The following KRT31 variants were observed in gnomAD, a reference collection of about 807,000 sequenced individuals.
KRT31 encodes keratin 31.
KRT31 carries 27 observed loss-of-function variants against 40.8 expected under a neutral mutation model. The observed-to-expected ratio is 0.66, with a 90% CI of 0.49 to 0.91. The LOEUF is 0.91. Ranked by LOEUF, KRT31 falls within the 40% of genes least tolerant of loss-of-function variation. The pLI, the probability that KRT31 is intolerant of heterozygous loss-of-function variation, is 0.00. For missense variants in KRT31, 510 were observed against 544.1 expected (o/e 0.94, Z 0.62); for synonymous variants, 231 against 231.9 (o/e 1.00, Z 0.03).
In KRT31 at chr17:41,394,109, G is replaced by A; in HGVS notation, c.1158C>T (p.Leu386=). Reference sequence around the variant, plus strand: ...GGACACAAGAGGTACAGGGATTGGAGAGACAGGGTCCGATGGGCTTGCTGC... The same window carrying A: ...GGACACAAGAGGTACAGGGATTGGAAAGACAGGGTCCGATGGGCTTGCTGC... ...NACSKPIGPC[L]SNPCTSCVPP... is the part of the protein sequence containing the mutation. Residue 386 remains leucine, a synonymous_variant, in exon 7 of 7, where the codon CTC becomes CTT. Transcript: ENST00000251645. The A allele has an allele frequency of 1.2e-6, 2 of 1,613,230 alleles. No individual in the cohort carries two copies. Among genetic ancestry groups the A allele is most frequent in the Non-Finnish European group, 1.7e-6 (2 of 1,179,610 alleles).
intron 4 of KRT31, 34 bp from the exon 5 acceptor site, chr17:41,395,404 T>C (rs2018207005): frequency 6.2e-7 from 1 of 1,613,988 alleles, no homozygotes; most frequent in Admixed American, 1.7e-5. Context: ...GATCAGACCC[T>C]GCCTCCGGGG....
chr17:41,395,441 G>T (rs756362721), intron 4 of KRT31, 21 bp downstream of exon 4: 1 of 1,614,006 alleles, frequency 6.2e-7, no homozygotes, highest in Non-Finnish European at 8.5e-7. Context: ...GTCCTGAGGG[G>T]CCACGTGCTT....
At position 41,394,117 on chromosome 17, in the gene KRT31, G is replaced by T. The variant is rs759367822; in HGVS notation, c.1150C>A (p.Pro384Thr). Residue 384 changes from proline to threonine, a missense_variant, in exon 7 of 7, where the codon CCC becomes ACC. Transcript: ENST00000251645. ...TTNACSKPIG[P>T]CLSNPCTSCV... ...GAGGTACAGGGATTGGAGAGACAGGGTCCGATGGGCTTGCTGCACGCGTTG... is the reference window on the plus strand; with the variant it reads ...GAGGTACAGGGATTGGAGAGACAGGTTCCGATGGGCTTGCTGCACGCGTTG... The T allele has an allele frequency of 6.2e-7, 1 of 1,612,880 alleles. No individual in the cohort carries two copies. The highest frequency in any genetic ancestry group is 8.5e-7 in the Non-Finnish European group (1 of 1,179,474).
Position 41,395,507 on chromosome 17 carries a change from C to G in KRT31, c.705G>C (p.Leu235=). The G allele has an allele frequency of 6.2e-7, 1 of 1,614,186 alleles. No homozygotes were observed. The highest frequency in any genetic ancestry group is 8.5e-7 in the Non-Finnish European group (1 of 1,180,028). ...CCACTTCCCTGCGGTTGGTTTCCAC[C>G]AGGGCCTCATACTGACTCCTGGTCT... ...LNETRSQYEA[L]VETNRREVEQ... is the part of the protein sequence containing the mutation. Residue 235 remains leucine, a synonymous_variant, in exon 4 of 7, where the codon CTG becomes CTC. Coordinates refer to ENST00000251645, the MANE Select transcript of KRT31 (RefSeq NM_002277.3).
At chr17:41,394,518 A>C (rs1028577741) in intron 6 of KRT31, among the ~76,000 whole-genome samples, 1 of 152,196 alleles carries the variant, frequency 6.6e-6, no homozygotes, top group Non-Finnish European at 1.5e-5. Flanking sequence ...TAATTATAAG[A>C]TCAAATCAGG....
Position 41,397,321 on chromosome 17 carries a change from T to A in KRT31, c.219A>T (p.Lys73Asn). 1 of 1,614,124 alleles carries A rather than the reference T, an allele frequency of 6.2e-7. No homozygotes were observed. Among genetic ancestry groups the A allele is most frequent in the South Asian group, 1.1e-5 (1 of 91,078 alleles). ...LNDRLASYLE[K>N]VRQLERDNAE... ...CGTTGTCCCGCTCCAGCTGACGCAC[T>A]TTCTCCAGGTAGCTGGCCAGGCGGT... Residue 73 changes from lysine to asparagine, a missense_variant, in exon 1 of 7, where the codon AAA becomes AAT. Lys to Asn is a moderately conservative substitution (Grantham distance 94, BLOSUM62 0). Coordinates refer to ENST00000251645, the MANE Select transcript of KRT31 (RefSeq NM_002277.3).
chr17:41,396,753 G>A (rs917378016), intron 2 of KRT31, among the ~76,000 whole-genome samples, 160 bp downstream of exon 2: 2 of 152,216 alleles, frequency 1.3e-5, no homozygotes, highest in Non-Finnish European at 2.9e-5. Context: ...ACAGATTGAT[G>A]TGAGTCCTCA....
Position 41,397,485 on chromosome 17 carries a change from G to T in KRT31, c.55C>A (p.Arg19=). ...SLSCRTSCSS[R]PCVPPSCHSC... is the part of the protein sequence containing the mutation. ...TGGCAGCTGGGGGGCACGCAGGGCC[G>T]GGAGGAGCAGCTGGTGCGGCAGCTC... The change falls in exon 1 of 7, where the codon CGG becomes AGG. Residue 19 remains arginine, a synonymous_variant. Transcript: ENST00000251645. The T allele has an allele frequency of 3.1e-6, 5 of 1,613,332 alleles. No homozygotes were observed. Among genetic ancestry groups the T allele is most frequent in the Non-Finnish European group, 4.2e-6 (5 of 1,179,864 alleles).
In KRT31 at chr17:41,395,522, AC is replaced by A; in HGVS notation, c.689del (p.Ser230IlefsTer25). 1 of 1,613,694 alleles carries A rather than the reference AC, an allele frequency of 6.2e-7. No individual in the cohort carries two copies. The highest frequency in any genetic ancestry group is 8.5e-7 in the Non-Finnish European group (1 of 1,179,942). ...DLNRVLNETR[S>X]QYEALVETNR... ...TGGTTTCCACCAGGGCCTCATACTG[AC>A]TCCTGGTCTCGTTCAGCACCCGATT... On this transcript the variant is annotated frameshift_variant, in exon 4 of 7. Transcript: ENST00000251645. LOFTEE classifies it high-confidence loss of function.
In KRT31 at chr17:41,397,425, C is replaced by T. The variant is rs771755843; in HGVS notation, c.115G>A (p.Ala39Thr). ...AACCAGTTGCAGTTGCTCACATTGG[C>T]GGGGATGTTGCAGGCCCCGGGCAGG... ...CTLPGACNIP[A>T]NVSNCNWFCE... Residue 39 changes from alanine (A) to threonine (T), a missense_variant, in exon 1 of 7, where the codon GCC becomes ACC. Transcript: ENST00000251645. 3.1e-6 allele frequency: 5 copies of T among 1,612,926 alleles called. No individual in the cohort carries two copies. In the African/African-American group the frequency reaches 4.0e-5, roughly 13 times the overall value.
chr17:41,397,309 C>T lies in KRT31; in HGVS notation c.231G>A (p.Leu77=), dbSNP rs1180261990. The part of the protein sequence containing the change: ...LASYLEKVRQ[L]ERDNAELENL... ...TCTCCAGCTCCGCGTTGTCCCGCTC[C>T]AGCTGACGCACTTTCTCCAGGTAGC... Residue 77 remains leucine (L), a synonymous_variant, in exon 1 of 7, where the codon CTG becomes CTA. Coordinates refer to ENST00000251645, the MANE Select transcript of KRT31 (RefSeq NM_002277.3). 1.2e-6 allele frequency: 2 copies of T among 1,614,184 alleles called. No individual in the cohort carries two copies. Among genetic ancestry groups the T allele is most frequent in the Admixed American group, 3.3e-5 (2 of 60,036 alleles).
chr17:41,393,775 A>T lies in KRT31; in HGVS notation c.*241T>A. 1 of 496,172 alleles carries T rather than the reference A, an allele frequency of 2.0e-6. No homozygotes were observed. The highest frequency in any genetic ancestry group is 3.5e-6 in the Non-Finnish European group (1 of 285,830). The allele number at this position is 496,172 out of a possible 1,614,324, so 30.7% of individuals were successfully genotyped here. A position where few individuals can be genotyped will look rare whatever the true frequency, so the allele number is the denominator to read the frequency against. ...GAGGTTAAAAGGGAGGCCCACTGGC[A>T]CATCAGAGAGTTCTCTGGGTGAGCA... On this transcript the variant is annotated 3_prime_UTR_variant, in exon 7 of 7. Coordinates refer to ENST00000251645, the MANE Select transcript of KRT31 (RefSeq NM_002277.3).
In KRT31 at chr17:41,396,495, C is replaced by G. The variant is rs1406197500; in HGVS notation, c.513G>C (p.Leu171=). Reference sequence around the variant, plus strand: ...CCTGGGCCTCCAGGTCGGACTTGCACAGGGTCAGCTCATCCAGGATCCTGC... The same window carrying G: ...CCTGGGCCTCCAGGTCGGACTTGCAGAGGGTCAGCTCATCCAGGATCCTGC... The part of the protein sequence containing the change: ...GLRRILDELT[L]CKSDLEAQVE... The change falls in exon 3 of 7, where the codon CTG becomes CTC. Residue 171 remains leucine (L), a synonymous_variant. Transcript: ENST00000251645. 1 of 1,614,208 alleles carries G rather than the reference C, an allele frequency of 6.2e-7. No individual in the cohort carries two copies. Among genetic ancestry groups the G allele is most frequent in the Non-Finnish European group, 8.5e-7 (1 of 1,180,034 alleles).
intron 6 of KRT31, among the ~76,000 whole-genome samples, chr17:41,394,457 A>T (rs748621089): frequency 7.9e-5 from 12 of 152,198 alleles, no homozygotes; most frequent in Non-Finnish European, 1.5e-4. Context: ...TCCAAGCCCC[A>T]GTTTACTTTC....
Position 41,396,892 on chromosome 17 carries a change from T to C in KRT31, c.431+21A>G, listed in dbSNP as rs764977684. On this transcript the variant is annotated intron_variant, in intron 2 of 6. Coordinates refer to ENST00000251645, the MANE Select transcript of KRT31 (RefSeq NM_002277.3). ...ATTAAACAGAAGCAATTGACACTAG[T>C]GCAAATTCCGAACAACTCACTTGGT... 1.2e-5 allele frequency: 19 copies of C among 1,591,456 alleles called. No homozygotes were observed. The East Asian group carries it at 3.8e-4, about 32-fold the overall frequency.
chr17:41,394,407 T>A (rs543198422), intron 6 of KRT31, among the ~76,000 whole-genome samples: 39 of 152,280 alleles, frequency 2.6e-4, no homozygotes, highest in Middle Eastern at 3.4e-3. Context: ...TCAAATCCAT[T>A]CATGCCAAAC....
chr17:41,397,311 G>A lies in KRT31; in HGVS notation c.229C>T (p.Leu77=). ...TCCAGCTCCGCGTTGTCCCGCTCCA[G>A]CTGACGCACTTTCTCCAGGTAGCTG... is the stretch of plus-strand genomic sequence containing the variant. ...LASYLEKVRQ[L]ERDNAELENL... is the part of the protein sequence containing the mutation. The change falls in exon 1 of 7, where the codon CTG becomes TTG. Residue 77 remains leucine (L), a synonymous_variant. Coordinates refer to ENST00000251645, the MANE Select transcript of KRT31 (RefSeq NM_002277.3). 2 of 1,614,182 alleles carry A rather than the reference G, an allele frequency of 1.2e-6. No individual in the cohort carries two copies. Among genetic ancestry groups the A allele is most frequent in the Non-Finnish European group, 1.7e-6 (2 of 1,180,052 alleles).
chr17:41,394,760 T>C, intron 6 of KRT31, 88 bp downstream of exon 6: 1 of 1,576,082 alleles, frequency 6.3e-7, no homozygotes, highest in Non-Finnish European at 8.6e-7. Flanking sequence ...CATAATTTCC[T>C]TTCCAAGGTA....
Position 41,396,450 on chromosome 17 carries a change from C to T in KRT31, c.558G>A (p.Glu186=). 1 of 1,614,206 alleles carries T rather than the reference C, an allele frequency of 6.2e-7. No individual in the cohort carries two copies. Among genetic ancestry groups the T allele is most frequent in the Non-Finnish European group, 8.5e-7 (1 of 1,180,026 alleles). Residue 186 remains glutamate (E), a synonymous_variant, in exon 3 of 7, where the codon GAG becomes GAA. Transcript: ENST00000251645. ...LEAQVESLKE[E]LLCLKSNHEQ... ...CATGGTTGCTCTTGAGGCAGAGCAG[C>T]TCCTCCTTCAGGGACTCCACCTGGG...
Sources: gnomAD v4.1 joint callset for allele counts (sites outside exome capture counted in the v4.1 genomes callset) on GRCh38, gnomAD v4.1.1 for gene constraint, MANE v1.5 for transcripts, NCBI Gene and HGNC (gene_info 2026-07-23, HGNC 2026-07-21) for gene names.